Variants in MGAT5 observed in about 807,000 individuals in gnomAD.
MGAT5 encodes the protein alpha-1,6-mannosylglycoprotein 6-beta-N-acetylglucosaminyltransferase.
Under a neutral mutation model 94.3 loss-of-function variants are expected in MGAT5, and 30 were observed. That is an observed-to-expected ratio of 0.32 (90% confidence interval 0.24 to 0.43). MGAT5 has a LOEUF of 0.43. Among genes scored for constraint, MGAT5 ranks in the 20% least tolerant of loss-of-function variants. The probability of loss-of-function intolerance (pLI) is 1.00; values close to 1 mark genes in which losing one functional copy is unlikely to be tolerated. For synonymous variants in MGAT5, 310 were observed against 322.9 expected (o/e 0.96, Z 0.43); for missense variants, 691 against 905.5 (o/e 0.76, Z 3.04).
chr2:134,224,094 A>G (rs1311004727), intron 1 of MGAT5, among the ~76,000 whole-genome samples: 1 of 152,230 alleles, frequency 6.6e-6, no homozygotes, highest in Non-Finnish European at 1.5e-5. Context: ...AATGCCATTT[A>G]CAAACTGAAC....
At chr2:134,399,190 T>G (rs1265143076) in intron 10 of MGAT5, among the ~76,000 whole-genome samples, 1 of 152,204 alleles carries the variant, frequency 6.6e-6, no homozygotes, top group African/African-American at 2.4e-5. Flanking sequence ...ACATGTACAA[T>G]TATTATCAAT....
At chr2:134,185,173 A>T (rs548753474) in intron 1 of MGAT5, among the ~76,000 whole-genome samples, 35 of 152,280 alleles carry the variant, frequency 2.3e-4, no homozygotes, top group Non-Finnish European at 3.1e-4. Flanking sequence ...AGAAGACTGC[A>T]TATTGGATAC....
chr2:134,314,750 GAGA>G (rs1242810025), intron 2 of MGAT5, among the ~76,000 whole-genome samples: 1 of 152,172 alleles, frequency 6.6e-6, no homozygotes, highest in Non-Finnish European at 1.5e-5. Flanking sequence ...AAGGACTGAG[GAGA>G]AGGACGTTCC....
At chr2:134,339,829 T>A (rs1227873402) in intron 6 of MGAT5, among the ~76,000 whole-genome samples, 1 of 152,202 alleles carries the variant, frequency 6.6e-6, no homozygotes, top group Admixed American at 6.5e-5. Context: ...AAAAAGACTG[T>A]TCTTAGTGAC....
intron 11 of MGAT5, among the ~76,000 whole-genome samples, chr2:134,407,984 C>T (rs58508913): frequency 6.6e-6 from 1 of 152,252 alleles, no homozygotes; most frequent in South Asian, 2.1e-4. Context: ...TATCTCTCCC[C>T]TCTACCATGT....
intron 1 of MGAT5, among the ~76,000 whole-genome samples, chr2:134,171,149 C>G (rs1573786876): frequency 6.6e-6 from 1 of 152,186 alleles, no homozygotes; most frequent in East Asian, 1.9e-4. Context: ...GCATGAGCCA[C>G]TGTGTCCGGC....
chr2:134,388,248 A>G (rs1682154023), intron 10 of MGAT5, among the ~76,000 whole-genome samples: 1 of 152,208 alleles, frequency 6.6e-6, no homozygotes, highest in African/African-American at 2.4e-5. Flanking sequence ...CATTTCTAAT[A>G]AAAGAATTGT....
At chr2:134,155,257 C>T (rs1351849981) in intron 1 of MGAT5, among the ~76,000 whole-genome samples, 3 of 152,316 alleles carry the variant, frequency 2.0e-5, no homozygotes, top group South Asian at 2.1e-4. Flanking sequence ...TGGAAGATGC[C>T]GTGTCCTTTG....
At chr2:134,291,064 C>A (rs530333647) in intron 2 of MGAT5, among the ~76,000 whole-genome samples, 1 of 152,198 alleles carries the variant, frequency 6.6e-6, no homozygotes, top group East Asian at 1.9e-4. Context: ...AGTGAGAAAT[C>A]TTATTTAGAA....
upstream of MGAT5, among the ~76,000 whole-genome samples, chr2:134,251,359 C>A (rs1021654809): frequency 6.6e-6 from 1 of 152,146 alleles, no homozygotes; most frequent in African/African-American, 2.4e-5. Context: ...TGGCGCGGAG[C>A]GGAGTGGAGG....
Position 134,189,828 on chromosome 2 carries a change from C to G in MGAT5, c.-142-64434C>G, listed in dbSNP as rs995701477. On this transcript the variant is annotated intron_variant, in intron 1 of 16. Transcript: ENST00000409645. ...TGTTGGCCAGGATGGTCTCCATCTC[C>G]TGACCTCCTGATCCACCCACCTCGG... is the stretch of plus-strand genomic sequence containing the variant. Among the ~76,000 whole-genome samples, 6 of 152,040 alleles carry G rather than the reference C, an allele frequency of 3.9e-5. No individual in the cohort carries two copies. In the East Asian group the frequency reaches 1.2e-3, roughly 29 times the overall value.
In MGAT5 at chr2:134,258,934, T is replaced by C. The variant is rs1683151852; in HGVS notation, c.241+4290T>C. On this transcript the variant is annotated intron_variant, in intron 1 of 15. Coordinates refer to ENST00000281923, the MANE Select transcript of MGAT5 (RefSeq NM_002410.5). Reference sequence around the variant, plus strand: ...TCAGGTGCCTGACATTGTGTGCTTGTTGTTGGCTGTTAGTGTGACTTGTGA... The same window carrying C: ...TCAGGTGCCTGACATTGTGTGCTTGCTGTTGGCTGTTAGTGTGACTTGTGA... 2.0e-5 allele frequency among the ~76,000 whole-genome samples: 3 copies of C among 152,214 alleles called. No homozygotes were observed. In the South Asian group the frequency reaches 6.2e-4, roughly 32 times the overall value.
At chr2:134,428,701 C>T (rs746283196) in intron 14 of MGAT5, among the ~76,000 whole-genome samples, 3 of 152,184 alleles carry the variant, frequency 2.0e-5, no homozygotes, top group Non-Finnish European at 2.9e-5. Context: ...TGTGAAGATG[C>T]CCCTGACCAT....
At chr2:134,137,614 G>A (rs759756914) in intron 1 of MGAT5, among the ~76,000 whole-genome samples, 3 of 152,134 alleles carry the variant, frequency 2.0e-5, no homozygotes, top group East Asian at 3.9e-4. Flanking sequence ...AAGTCAGAGC[G>A]GGGAGGGATT....
chr2:134,242,027 A>G (rs1682001077), intron 1 of MGAT5, among the ~76,000 whole-genome samples: 1 of 152,216 alleles, frequency 6.6e-6, no homozygotes, highest in Non-Finnish European at 1.5e-5. Context: ...GAAGGGACCT[A>G]ATGAGCATGC....
At chr2:134,318,912 T>A (rs1687163625) in intron 4 of MGAT5, among the ~76,000 whole-genome samples, 173 bp downstream of exon 4, 1 of 152,204 alleles carries the variant, frequency 6.6e-6, no homozygotes, top group Non-Finnish European at 1.5e-5. Context: ...TCTTTTCTCC[T>A]TGAGGGAAAA....
At chr2:134,295,177 A>G (rs888629056) in intron 2 of MGAT5, among the ~76,000 whole-genome samples, 3 of 152,032 alleles carry the variant, frequency 2.0e-5, no homozygotes, top group Admixed American at 6.6e-5. Flanking sequence ...CCTTATGTTG[A>G]TTGACATTTG....
At chr2:134,125,309 G>GCTA (rs1283232521) in intron 1 of MGAT5, among the ~76,000 whole-genome samples, 13 of 152,358 alleles carry the variant, frequency 8.5e-5, no homozygotes, top group Admixed American at 8.5e-4. Context: ...GTTACAAACA[G>GCTA]CTACTCAGTG....
chr2:134,127,501 C>A (rs1027649907), intron 1 of MGAT5, among the ~76,000 whole-genome samples: 20 of 127,850 alleles, frequency 1.6e-4, no homozygotes, highest in Non-Finnish European at 2.7e-4. Flanking sequence ...GGTTTCCCCC[C>A]CCCCCAGGCT....
Sources: gnomAD v4.1 joint callset for allele counts (sites outside exome capture counted in the v4.1 genomes callset) on GRCh38, gnomAD v4.1.1 for gene constraint, MANE v1.5 for transcripts, NCBI Gene and HGNC (gene_info 2026-07-23, HGNC 2026-07-21) for gene names.